Variants in ARSJ observed in about 807,000 individuals in gnomAD.
The protein encoded by ARSJ is arylsulfatase family member J.
In ARSJ, 26 loss-of-function variants were observed where a neutral mutation model predicts 35.9. The ratio of observed to expected loss-of-function variants is 0.72; its 90% CI spans 0.53 to 1.00. ARSJ has a LOEUF of 1.00. ARSJ is among the 50% of genes least tolerant of loss of function. The pLI, the probability that ARSJ is intolerant of heterozygous loss-of-function variation, is 0.00. For synonymous variants in ARSJ, 294 were observed against 267.6 expected, an observed-to-expected ratio of 1.10 and a Z score of -0.96; for missense variants, 667 against 723.6, an observed-to-expected ratio of 0.92 and a Z score of 0.90.
intron 1 of ARSJ, among the ~76,000 whole-genome samples, chr4:113,956,118 T>G (rs1294787762): frequency 6.6e-6 from 1 of 152,022 alleles, no homozygotes; most frequent in Non-Finnish European, 1.5e-5. Context: ...CCTGGCTAGT[T>G]TTTGTAGAGA....
chr4:113,938,868 A>G (rs1332302779), intron 1 of ARSJ, among the ~76,000 whole-genome samples: 1 of 152,000 alleles, frequency 6.6e-6, no homozygotes, highest in Non-Finnish European at 1.5e-5. Flanking sequence ...CCCCACAATG[A>G]GATACCATCT....
chr4:113,977,203 T>A (rs1351062581), intron 1 of ARSJ, among the ~76,000 whole-genome samples: 1 of 152,196 alleles, frequency 6.6e-6, no homozygotes, highest in Non-Finnish European at 1.5e-5. Context: ...TACTCCTTTA[T>A]AAATATCAAA....
chr4:113,919,954 T>TC, intron 1 of ARSJ, among the ~76,000 whole-genome samples: 1 of 151,760 alleles, frequency 6.6e-6, no homozygotes. Flanking sequence ...TAAAGATTTT[T>TC]TTTTTTGCAG....
At chr4:113,903,946 C>T (rs1295830313) in intron 1 of ARSJ, among the ~76,000 whole-genome samples, 3 of 152,302 alleles carry the variant, frequency 2.0e-5, no homozygotes, top group African/African-American at 7.2e-5. Flanking sequence ...CTTTTTGAGA[C>T]GGAGTCTTAG....
intron 1 of ARSJ, among the ~76,000 whole-genome samples, chr4:113,937,918 T>C (rs895877183): frequency 6.6e-5 from 10 of 152,102 alleles, no homozygotes; most frequent in African/African-American, 2.2e-4. Context: ...AAACATTCTA[T>C]GCTCATGGAT....
chr4:113,928,899 A>G (rs1724249482), intron 1 of ARSJ, among the ~76,000 whole-genome samples: 1 of 152,118 alleles, frequency 6.6e-6, no homozygotes, highest in Non-Finnish European at 1.5e-5. Flanking sequence ...AATCTCCCTA[A>G]GCCTTTGGAT....
chr4:113,909,300 A>G (rs2099669719), intron 1 of ARSJ, among the ~76,000 whole-genome samples: 1 of 152,184 alleles, frequency 6.6e-6, no homozygotes. Context: ...GGAAAATAAC[A>G]TTCTAAAAAA....
At chr4:113,955,629 T>C (rs1324284564) in intron 1 of ARSJ, among the ~76,000 whole-genome samples, 1 of 152,040 alleles carries the variant, frequency 6.6e-6, no homozygotes, top group Non-Finnish European at 1.5e-5. Context: ...ATCTGTAGAG[T>C]GCTTTCCGGT....
At position 113,903,109 on chromosome 4, in the gene ARSJ, A is replaced by T. The variant is rs202050422; in HGVS notation, c.965T>A (p.Ile322Asn). Residue 322 changes from isoleucine (I) to asparagine (N), a missense_variant, in exon 2 of 2, where the codon ATC becomes AAC. Transcript: ENST00000315366. ...GCCACCATTATCTGAAGAGTAAATG[A>T]TAATGCTGTTGTTATAGAAACCATA... is the stretch of plus-strand genomic sequence containing the variant. ...KTYGFYNNSIIIYSSDNGGQP... is the reference protein window; with the variant it reads ...KTYGFYNNSINIYSSDNGGQP... The T allele has an allele frequency of 1.2e-6, 2 of 1,614,072 alleles. No individual in the cohort carries two copies. Among genetic ancestry groups the T allele is most frequent in the African/African-American group, 2.7e-5 (2 of 74,930 alleles).
chr4:113,943,274 G>T (rs1240086469), intron 1 of ARSJ: 2 of 151,934 alleles, frequency 1.3e-5, no homozygotes, highest in African/African-American at 2.4e-5. Flanking sequence ...TACATTATCT[G>T]CCACAGCCCT....
chr4:113,933,629 A>T (rs1446376539), intron 1 of ARSJ, among the ~76,000 whole-genome samples: 1 of 151,924 alleles, frequency 6.6e-6, no homozygotes, highest in East Asian at 1.9e-4. Flanking sequence ...GCAAGAAAAA[A>T]ACCCATATGA....
intron 1 of ARSJ, among the ~76,000 whole-genome samples, chr4:113,964,823 G>A (rs1049725063): frequency 3.9e-5 from 6 of 152,006 alleles, no homozygotes; most frequent in African/African-American, 1.4e-4. Context: ...TGAAATATTA[G>A]GGTAGGACCA....
intron 1 of ARSJ, among the ~76,000 whole-genome samples, chr4:113,914,337 T>C (rs1022391816): frequency 6.6e-6 from 1 of 152,174 alleles, no homozygotes; most frequent in African/African-American, 2.4e-5. Flanking sequence ...GGTCCATTAA[T>C]ATTTAGTTAT....
chr4:113,948,850 T>A (rs1225522564), intron 1 of ARSJ, among the ~76,000 whole-genome samples: 1 of 152,146 alleles, frequency 6.6e-6, no homozygotes, highest in Non-Finnish European at 1.5e-5. Flanking sequence ...TATCTCTTCA[T>A]TGCAACAGAT....
At chr4:113,915,102 G>A (rs1723211077) in intron 1 of ARSJ, among the ~76,000 whole-genome samples, 1 of 152,040 alleles carries the variant, frequency 6.6e-6, no homozygotes, top group Admixed American at 6.6e-5. Context: ...TATCAATGTA[G>A]GCTGCAGGTA....
intron 1 of ARSJ, among the ~76,000 whole-genome samples, chr4:113,923,049 T>C (rs528828272): frequency 1.3e-5 from 2 of 152,172 alleles, no homozygotes; most frequent in Non-Finnish European, 1.5e-5. Context: ...CTCCTGAAGA[T>C]GGAATTCTGC....
intron 1 of ARSJ, among the ~76,000 whole-genome samples, chr4:113,913,969 A>G (rs978369839): frequency 5.9e-5 from 9 of 151,990 alleles, no homozygotes; most frequent in Non-Finnish European, 1.2e-4. Flanking sequence ...TTTCATTTTT[A>G]AATTTTTATT....
intron 1 of ARSJ, among the ~76,000 whole-genome samples, chr4:113,963,243 A>G (rs1012801667): frequency 6.6e-6 from 1 of 151,994 alleles, no homozygotes; most frequent in Non-Finnish European, 1.5e-5. Context: ...TTGTCAACTT[A>G]TATATTTCCC....
rs1036765566 is a variant in ARSJ, at chr4:113,977,728, T to A, written c.398+709A>T. On this transcript the variant is annotated intron_variant, in intron 1 of 1. Coordinates refer to ENST00000315366, the MANE Select transcript of ARSJ (RefSeq NM_024590.4). ...AAAGCAGCAACAATATGAAAAGCAC[T>A]TTACTTAAGCATCCAAATAGTCTGA... Among the ~76,000 whole-genome samples, 3 of 152,234 alleles carry A rather than the reference T, an allele frequency of 2.0e-5. No individual in the cohort carries two copies. In the East Asian group the frequency reaches 5.8e-4, roughly 29 times the overall value.
Sources: gnomAD v4.1 joint callset for allele counts (sites outside exome capture counted in the v4.1 genomes callset) on GRCh38, gnomAD v4.1.1 for gene constraint, MANE v1.5 for transcripts, NCBI Gene and HGNC (gene_info 2026-07-23, HGNC 2026-07-21) for gene names.